RELN: variants seen among roughly 807,000 people sequenced by gnomAD.
The protein encoded by RELN is reelin.
RELN carries 108 observed loss-of-function variants against 427.6 expected under a neutral mutation model. The observed-to-expected ratio is 0.25, with a 90% CI of 0.22 to 0.30. RELN has a LOEUF of 0.30. RELN is among the 10% of genes least tolerant of loss of function. The pLI is 1.00. For synonymous variants in RELN, 1,524 were observed against 1,513.4 expected, an observed-to-expected ratio of 1.01 and a Z score of -0.16; for missense variants, 3,715 against 4,302.8, an observed-to-expected ratio of 0.86 and a Z score of 3.82.
intron 3 of RELN, among the ~76,000 whole-genome samples, chr7:103,826,319 AATGT>A (rs71787643): frequency 0.16 from 22,468 of 137,464 alleles, 1,798 homozygotes; most frequent in Middle Eastern, 0.29. Context: ...AGACTAAGAC[AATGT>A]GTGTGTGTGT....
chr7:103,548,019 T>A (rs1385058842), intron 41 of RELN, among the ~76,000 whole-genome samples: 1 of 152,202 alleles, frequency 6.6e-6, no homozygotes, highest in African/African-American at 2.4e-5. Flanking sequence ...GGATCTGTTT[T>A]TTAAACATAA....
intron 2 of RELN, among the ~76,000 whole-genome samples, chr7:103,882,830 G>A (rs928519126): frequency 3.3e-5 from 5 of 152,136 alleles, no homozygotes; most frequent in South Asian, 2.1e-4. Context: ...AGGAGCAGAC[G>A]GATTCACAGC....
intron 2 of RELN, 40 bp from the exon 3 acceptor site, chr7:103,833,712 A>T: frequency 6.3e-7 from 1 of 1,585,256 alleles, no homozygotes; most frequent in Non-Finnish European, 8.6e-7. Flanking sequence ...AGACAACAAA[A>T]CAAAGATCTT....
At chr7:103,479,002 G>A (rs943828758) in intron 63 of RELN, among the ~76,000 whole-genome samples, 1 of 152,124 alleles carries the variant, frequency 6.6e-6, no homozygotes, top group Non-Finnish European at 1.5e-5. Flanking sequence ...AGCAACATAA[G>A]GTTTGCAGTT....
chr7:103,621,184 G>A (rs185639975), intron 20 of RELN, among the ~76,000 whole-genome samples: 6 of 152,178 alleles, frequency 3.9e-5, no homozygotes, highest in Admixed American at 3.9e-4. Flanking sequence ...GTAGTCAAAT[G>A]GATTTTTTAA....
chr7:103,838,024 G>A (rs1410515374), intron 2 of RELN, among the ~76,000 whole-genome samples: 1 of 151,728 alleles, frequency 6.6e-6, no homozygotes, highest in Non-Finnish European at 1.5e-5. Flanking sequence ...TGGGTAACAC[G>A]GCGAAACACC....
intron 8 of RELN, among the ~76,000 whole-genome samples, chr7:103,712,666 C>G (rs529610575): frequency 6.6e-6 from 1 of 152,292 alleles, no homozygotes; most frequent in East Asian, 1.9e-4. Context: ...CAACTCAGGT[C>G]TTGCTGCCAA....
rs111827077 is a variant in RELN at position 103,843,134 on chromosome 7, C to T, written c.338-9462G>A. 1.7e-3 allele frequency among the ~76,000 whole-genome samples: 259 copies of T among 152,076 alleles called. 1 individual carries two copies. The highest frequency in any genetic ancestry group is 5.9e-3 in the African/African-American group (244 of 41,476). ...TAGCTGTGAAGAGTAAGTGAGTGTA[C>T]GGCACACAGTGTTGTACATGTTGGC... On this transcript the variant is annotated intron_variant, in intron 2 of 64. Coordinates refer to ENST00000428762, the MANE Select transcript of RELN (RefSeq NM_005045.4).
chr7:103,791,046 T>C (rs1306865453), intron 3 of RELN, among the ~76,000 whole-genome samples: 1 of 152,038 alleles, frequency 6.6e-6, no homozygotes, highest in Non-Finnish European at 1.5e-5. Flanking sequence ...ATAAGGTACT[T>C]AGTCATAAAC....
rs181932623 is a variant in RELN, at chr7:103,673,608, T to G, written c.1289+8508A>C. On this transcript the variant is annotated intron_variant, in intron 11 of 64. Coordinates refer to ENST00000428762, the MANE Select transcript of RELN (RefSeq NM_005045.4). ...TAGTTTCCAGGAATGTATCTTGCAG[T>G]AAATCTTTCAGAGAGGGTGGTAAAC... Among the ~76,000 whole-genome samples the G allele has an allele frequency of 3.4e-3, 516 of 152,286 alleles. 2 individuals carry two copies. The highest frequency in any genetic ancestry group is 5.0e-3 in the Non-Finnish European group (337 of 68,006).
intron 3 of RELN, among the ~76,000 whole-genome samples, chr7:103,806,701 C>T (rs1792609126): frequency 6.6e-6 from 1 of 152,066 alleles, no homozygotes; most frequent in African/African-American, 2.4e-5. Context: ...ACTTGAGTAA[C>T]CATCAAGAGA....
chr7:103,685,549 G>T (rs1448561439), intron 10 of RELN, among the ~76,000 whole-genome samples: 1 of 152,004 alleles, frequency 6.6e-6, no homozygotes, highest in Admixed American at 6.6e-5. Context: ...TAAAATAAAG[G>T]TATAAATTCT....
chr7:103,475,834 G>T (rs1828013641), intron 64 of RELN, among the ~76,000 whole-genome samples: 1 of 152,172 alleles, frequency 6.6e-6, no homozygotes, highest in Non-Finnish European at 1.5e-5. Flanking sequence ...CAAGGTAGAA[G>T]CTTAAAACCA....
chr7:103,620,860 T>C lies in RELN; in HGVS notation c.2703-9057A>G, dbSNP rs1260757212. Among the ~76,000 whole-genome samples, 1 of 152,190 alleles carries C rather than the reference T, an allele frequency of 6.6e-6. No homozygotes were observed. The highest frequency in any genetic ancestry group is 2.4e-5 in the African/African-American group (1 of 41,448). ...TCTCTCAGTTCTTTTCTGTCTCCTC[T>C]ATTTCCTTGAACATCACTTCCTTTT... On this transcript the variant is annotated intron_variant, in intron 20 of 64. Transcript: ENST00000428762. The surrounding 1 kb of genome is among the most constrained non-coding windows in gnomAD (Gnocchi z 4.1).
intron 1 of RELN, among the ~76,000 whole-genome samples, chr7:103,986,086 G>C (rs536967232): frequency 1.6e-4 from 24 of 152,208 alleles, no homozygotes; most frequent in Non-Finnish European, 2.9e-4. Context: ...AAAATGTTCT[G>C]ACCCTGAGAC....
At chr7:103,760,099 T>C (rs967783503) in intron 4 of RELN, among the ~76,000 whole-genome samples, 52 of 150,584 alleles carry the variant, frequency 3.5e-4, no homozygotes, top group Admixed American at 1.1e-3. Context: ...CGAATGCTTT[T>C]CTTAATAACA....
intron 4 of RELN, among the ~76,000 whole-genome samples, chr7:103,764,422 C>G (rs1431313802): frequency 6.6e-6 from 1 of 152,144 alleles, no homozygotes; most frequent in Non-Finnish European, 1.5e-5. Flanking sequence ...GTATAGGTAA[C>G]TGCAAACTTC....
chr7:103,888,074 G>C (rs1385304653), intron 2 of RELN, among the ~76,000 whole-genome samples: 4 of 151,874 alleles, frequency 2.6e-5, no homozygotes, highest in Non-Finnish European at 4.4e-5. Context: ...TGCCCTGTAG[G>C]GGCTCTCTAT....
At chr7:103,767,666 G>A (rs1361371061) in intron 4 of RELN, among the ~76,000 whole-genome samples, 4 of 152,108 alleles carry the variant, frequency 2.6e-5, no homozygotes, top group Non-Finnish European at 5.9e-5. Flanking sequence ...CAAGTTTTTA[G>A]TCTATTCTGA....
Sources: allele counts gnomAD v4.1 joint callset (sites outside exome capture counted in the v4.1 genomes callset), GRCh38; gene constraint gnomAD v4.1.1; non-coding constraint Gnocchi (gnomAD v3.1); transcripts MANE v1.5; gene names NCBI Gene and HGNC (gene_info 2026-07-23, HGNC 2026-07-21).